TESK1: variants seen among roughly 807,000 people sequenced by gnomAD.
The protein encoded by TESK1 is testis associated actin remodelling kinase 1.
TESK1 carries 18 observed loss-of-function variants against 59.9 expected under a neutral mutation model. The ratio of observed to expected loss-of-function variants is 0.30; its 90% confidence interval spans 0.21 to 0.45. The LOEUF is 0.45. Ranked by LOEUF, TESK1 falls within the 20% of genes least tolerant of loss-of-function variation. The pLI, the probability that TESK1 is intolerant of heterozygous loss-of-function variation, is 1.00. For missense variants in TESK1, 748 were observed against 840.9 expected, an observed-to-expected ratio of 0.89 and a Z score of 1.37; for synonymous variants, 341 against 357.4, an observed-to-expected ratio of 0.95 and a Z score of 0.52.
In TESK1 at chr9:35,606,011, A is replaced by G; in HGVS notation, c.247A>G (p.Met83Val). Residue 83 changes from methionine to valine, a missense_variant, in exon 2 of 10, where the codon ATG becomes GTG. Physicochemically the swap from Met to Val is conservative, Grantham distance 21 (BLOSUM62 1). This residue lies in a region of TESK1 where 168 missense variants were observed against 257.4 expected (regional missense o/e 0.65). Coordinates refer to ENST00000336395, the MANE Select transcript of TESK1 (RefSeq NM_006285.3). ...KVRHRQSGQV[M>V]VLKMNKLPSN... ...TCGGCACCGACAGTCAGGGCAAGTCATGGTGCTGAAGATGAACAAGCTCCC... is the reference window on the plus strand; with the variant it reads ...TCGGCACCGACAGTCAGGGCAAGTCGTGGTGCTGAAGATGAACAAGCTCCC... 1 of 1,613,988 alleles carries G rather than the reference A, an allele frequency of 6.2e-7. No homozygotes were observed. The highest frequency in any genetic ancestry group is 8.5e-7 in the Non-Finnish European group (1 of 1,179,970).
Position 35,606,905 on chromosome 9 carries a change from C to G in TESK1, c.459C>G (p.Leu153=). 1 of 1,613,890 alleles carries G rather than the reference C, an allele frequency of 6.2e-7. No homozygotes were observed. The highest frequency in any genetic ancestry group is 1.1e-5 in the South Asian group (1 of 91,074). Residue 153 remains leucine (L), a synonymous_variant, in exon 4 of 10, where the codon CTC becomes CTG. Coordinates refer to ENST00000336395, the MANE Select transcript of TESK1 (RefSeq NM_006285.3). ...SPEPLSWPVR[L]HLALDIARGL... is the part of the protein sequence containing the mutation. ...AACCCCTGTCCTGGCCGGTCAGGCT[C>G]CACCTGGCCCTGGACATTGCCCGAG...
rs762202304 is a variant in TESK1, at chr9:35,609,026, G to T, written c.1165G>T (p.Gly389Cys). ...CTTCTCACTACGGGAAGACCTCAGG[G>T]GTGGCAAGATCAAGCTCTTAGACAC... ...NPFSLREDLR[G>C]GKIKLLDTPS... is the part of the protein sequence containing the mutation. The change falls in exon 10 of 10, where the codon GGT becomes TGT. Residue 389 changes from glycine to cysteine, a missense_variant. This residue lies in a region of TESK1 where 447 missense variants were observed against 466.1 expected (regional missense o/e 0.96). Transcript: ENST00000336395. The surrounding 1 kb of genome is among the most constrained non-coding windows in gnomAD (Gnocchi z 6.7). The T allele has an allele frequency of 1.9e-6, 3 of 1,614,140 alleles. No individual in the cohort carries two copies. The highest frequency in any genetic ancestry group is 1.3e-5 in the African/African-American group (1 of 75,040).
intron 9 of TESK1, 28 bp from the exon 10 acceptor site, chr9:35,608,834 C>T: frequency 1.3e-6 from 2 of 1,549,634 alleles, no homozygotes; most frequent in South Asian, 1.2e-5. Context: ...ATGCTGAGGA[C>T]AGTGATTCCA....
chr9:35,605,330 A>G lies in TESK1; in HGVS notation c.-290A>G, dbSNP rs1440157737. 1.4e-5 allele frequency: 2 copies of G among 147,668 alleles called. No homozygotes were observed. Among genetic ancestry groups the G allele is most frequent in the African/African-American group, 4.9e-5 (2 of 40,868 alleles). 9.1% of individuals were successfully genotyped at this position (147,668 alleles called of 1,614,324 possible). On this transcript the variant is annotated 5_prime_UTR_variant, in exon 1 of 10. Transcript: ENST00000336395. ...CCGCCCGCCCGCCTCCGCCCGCGGC[A>G]AGCCAGCCCGCCGGCGCCCCGGAGC...
rs1470836033 is a variant in TESK1 at position 35,609,693 on chromosome 9, A to G, written c.1832A>G (p.His611Arg). The part of the protein sequence containing the change: ...AGSLLCHRGH[H>R]AKPPTPSLQL... ...AGTCTCCTCTGCCACCGAGGGCACC[A>G]CGCCAAGCCACCCACACCCAGCCTG... Residue 611 changes from histidine to arginine, a missense_variant, in exon 10 of 10, where the codon CAC becomes CGC. Coordinates refer to ENST00000336395, the MANE Select transcript of TESK1 (RefSeq NM_006285.3). The surrounding 1 kb of genome is among the most constrained non-coding windows in gnomAD (Gnocchi z 6.7). The G allele has an allele frequency of 6.2e-7, 1 of 1,601,134 alleles. No homozygotes were observed. Among genetic ancestry groups the G allele is most frequent in the South Asian group, 1.1e-5 (1 of 90,972 alleles).
chr9:35,608,603 T>A, intron 9 of TESK1, 94 bp downstream of exon 9: 2 of 1,230,880 alleles, frequency 1.6e-6, no homozygotes, highest in Non-Finnish European at 2.3e-6. Context: ...GTATATTTAT[T>A]AGTTGAAAAG....
intron 7 of TESK1, 51 bp from the exon 8 acceptor site, chr9:35,608,109 A>C: frequency 6.2e-7 from 1 of 1,609,684 alleles, no homozygotes; most frequent in Non-Finnish European, 8.5e-7. Context: ...GGGGAGCAGA[A>C]GGAGAACCCA....
Position 35,605,629 on chromosome 9 carries a change from G to T in TESK1, c.10G>T (p.Glu4Ter). The T allele has an allele frequency of 8.4e-7, 1 of 1,184,616 alleles. No individual in the cohort carries two copies. Among genetic ancestry groups the T allele is most frequent in the Non-Finnish European group, 1.1e-6 (1 of 952,302 alleles). The allele number at this position is 1,184,616 out of a possible 1,614,324, so 73.4% of individuals were successfully genotyped here. A position where few individuals can be genotyped will look rare whatever the true frequency, so the allele number is the denominator to read the frequency against. Residue 4 changes from glutamate to a stop codon, truncating the protein, a stop_gained, in exon 1 of 10, where the codon GAA becomes TAA. Coordinates refer to ENST00000336395, the MANE Select transcript of TESK1 (RefSeq NM_006285.3). LOFTEE classifies it high-confidence loss of function. MAG[E>*]RPPLRGPGPG... is the part of the protein sequence containing the mutation. ...GGCTGGGGGCCCGGCCATGGCCGGG[G>T]AACGGCCCCCACTGCGGGGCCCTGG...
Position 35,607,713 on chromosome 9 carries a change from C to T in TESK1, c.711+41C>T. 6.5e-7 allele frequency: 1 copy of T among 1,537,380 alleles called. No individual in the cohort carries two copies. The highest frequency in any genetic ancestry group is 1.1e-5 in the South Asian group (1 of 88,932). On this transcript the variant is annotated intron_variant, in intron 6 of 9. Coordinates refer to ENST00000336395, the MANE Select transcript of TESK1 (RefSeq NM_006285.3). This position sits in a 1 kb window ranked among gnomAD's most constrained non-coding sequence, Gnocchi z 4.5. Reference sequence around the variant, plus strand: ...TTCAGATCCCCAAGGCCTTCCGAGACCCTTGAGGTATTCTCATAAAGCCCC... The same window carrying T: ...TTCAGATCCCCAAGGCCTTCCGAGATCCTTGAGGTATTCTCATAAAGCCCC...
At position 35,607,804 on chromosome 9, in the gene TESK1, C is replaced by T; in HGVS notation, c.712-124C>T. 1.6e-6 allele frequency: 2 copies of T among 1,284,352 alleles called. No homozygotes were observed. Among genetic ancestry groups the T allele is most frequent in the East Asian group, 2.4e-5 (1 of 41,610 alleles). The allele number at this position is 1,284,352 out of a possible 1,614,324, so 79.6% of individuals were successfully genotyped here. Reference sequence around the variant, plus strand: ...CCAAGATCCCTTTGCCCCTCACAGGCACCCTTCTAACACATGAAAACTGTC... The same window carrying T: ...CCAAGATCCCTTTGCCCCTCACAGGTACCCTTCTAACACATGAAAACTGTC... On this transcript the variant is annotated intron_variant, in intron 6 of 9. Transcript: ENST00000336395. The surrounding 1 kb of genome is among the most constrained non-coding windows in gnomAD (Gnocchi z 4.5).
At chr9:35,606,437 C>T in intron 3 of TESK1, 152 bp downstream of exon 3, 1 of 886,472 alleles carries the variant, frequency 1.1e-6, no homozygotes, top group Non-Finnish European at 1.8e-6. Flanking sequence ...TTAGGCAAAC[C>T]ACATATAAAA....
rs1461573251 is a variant in TESK1, at chr9:35,609,034, G to A, written c.1173G>A (p.Lys391=). The change falls in exon 10 of 10, where the codon AAG becomes AAA. Residue 391 remains lysine, a synonymous_variant. Transcript: ENST00000336395. This position sits in a 1 kb window ranked among gnomAD's most constrained non-coding sequence, Gnocchi z 6.7. The part of the protein sequence containing the change: ...FSLREDLRGG[K]IKLLDTPSKP... Reference sequence around the variant, plus strand: ...TACGGGAAGACCTCAGGGGTGGCAAGATCAAGCTCTTAGACACACCCAGCA... The same window carrying A: ...TACGGGAAGACCTCAGGGGTGGCAAAATCAAGCTCTTAGACACACCCAGCA... 1 of 1,614,170 alleles carries A rather than the reference G, an allele frequency of 6.2e-7. No homozygotes were observed. The highest frequency in any genetic ancestry group is 8.5e-7 in the Non-Finnish European group (1 of 1,180,030).
chr9:35,608,624 G>T, intron 9 of TESK1, 115 bp downstream of exon 9: 1 of 1,047,818 alleles, frequency 9.5e-7, no homozygotes. Flanking sequence ...GCTGGGGGTC[G>T]GGCTGGGGTA....
rs779137031 is a variant in TESK1 at position 35,608,096 on chromosome 9, A to G, written c.796-64A>G. ...GGATTCCCTAGAGGTTGAGGTTCTG[A>G]CTGGGGAGCAGAAGGAGAACCCAAG... is the stretch of plus-strand genomic sequence containing the variant. On this transcript the variant is annotated intron_variant, in intron 7 of 9. Coordinates refer to ENST00000336395, the MANE Select transcript of TESK1 (RefSeq NM_006285.3). 4 of 1,608,512 alleles carry G rather than the reference A, an allele frequency of 2.5e-6. No homozygotes were observed. The East Asian group carries it at 8.9e-5, about 36-fold the overall frequency.
chr9:35,609,203 A>T lies in TESK1; in HGVS notation c.1342A>T (p.Met448Leu). The T allele has an allele frequency of 6.2e-7, 1 of 1,613,908 alleles. No homozygotes were observed. Among genetic ancestry groups the T allele is most frequent in the Non-Finnish European group, 8.5e-7 (1 of 1,180,008 alleles). The stretch of plus-strand genomic sequence containing the variant: ...CTCATCCCCCGAGCTCCCCCGCCGT[A>T]TGGAGACAGCACTGCCAGGTCCTGG... The part of the protein sequence containing the change: ...LPSSPELPRR[M>L]ETALPGPGPP... Residue 448 changes from methionine to leucine, a missense_variant, in exon 10 of 10, where the codon ATG (methionine) becomes TTG (leucine). Physicochemically the swap from Met to Leu is conservative, Grantham distance 15. Coordinates refer to ENST00000336395, the MANE Select transcript of TESK1 (RefSeq NM_006285.3). This position sits in a 1 kb window ranked among gnomAD's most constrained non-coding sequence, Gnocchi z 6.7.
chr9:35,609,438 C>T lies in TESK1; in HGVS notation c.1577C>T (p.Pro526Leu), dbSNP rs762554622. Residue 526 changes from proline (P) to leucine (L), a missense_variant, in exon 10 of 10, where the codon CCA (proline) becomes CTA (leucine). Physicochemically the swap from Pro to Leu is moderately conservative, Grantham distance 98. Transcript: ENST00000336395. The surrounding 1 kb of genome is among the most constrained non-coding windows in gnomAD (Gnocchi z 6.7). The stretch of plus-strand genomic sequence containing the variant: ...CCCCCAGCTGTGGTGGTGAACTCCC[C>T]ACAAGGCTGGGCTGGGGAGCCCTGG... ...NNPPAVVVNS[P>L]QGWAGEPWNR... The T allele has an allele frequency of 1.9e-6, 3 of 1,608,848 alleles. No homozygotes were observed. Among genetic ancestry groups the T allele is most frequent in the Admixed American group, 1.7e-5 (1 of 59,682 alleles).
rs779438711 is a variant in TESK1 at position 35,609,492 on chromosome 9, C to A, written c.1631C>A (p.Ala544Glu). ...WNRAQHSLPR[A>E]AALERTEPSP... is the part of the protein sequence containing the mutation. The stretch of plus-strand genomic sequence containing the variant: ...CGGGCCCAGCATAGCCTGCCCCGGG[C>A]GGCAGCCCTGGAGCGGACAGAACCC... The change falls in exon 10 of 10, where the codon GCG becomes GAG. Residue 544 changes from alanine to glutamate, a missense_variant. Transcript: ENST00000336395. This position sits in a 1 kb window ranked among gnomAD's most constrained non-coding sequence, Gnocchi z 6.7. The A allele has an allele frequency of 1.9e-6, 3 of 1,603,898 alleles. No individual in the cohort carries two copies. Among genetic ancestry groups the A allele is most frequent in the Non-Finnish European group, 8.5e-7 (1 of 1,174,480 alleles).
chr9:35,605,645 G>C lies in TESK1; in HGVS notation c.26G>C (p.Arg9Pro), dbSNP rs1822828840. The C allele has an allele frequency of 8.2e-6, 10 of 1,220,774 alleles. No individual in the cohort carries two copies. Among genetic ancestry groups the C allele is most frequent in the East Asian group, 6.7e-5 (2 of 29,998 alleles). 75.6% of individuals were successfully genotyped at this position (1,220,774 alleles called of 1,614,324 possible). A position where few individuals can be genotyped will look rare whatever the true frequency, so the allele number is the denominator to read the frequency against. ...ATGGCCGGGGAACGGCCCCCACTGC[G>C]GGGCCCTGGGCCCGGGCCTGGAGAG... is the stretch of plus-strand genomic sequence containing the variant. Reference protein sequence around the residue: MAGERPPLRGPGPGPGEVP... With the variant: MAGERPPLPGPGPGPGEVP... The change falls in exon 1 of 10, where the codon CGG becomes CCG. Residue 9 changes from arginine to proline, a missense_variant. Physicochemically the swap from Arg to Pro is moderately radical, Grantham distance 103. This residue lies in a region of TESK1 where 133 missense variants were observed against 117.4 expected (regional missense o/e 1.13). Transcript: ENST00000336395.
intron 1 of TESK1, 68 bp from the exon 2 acceptor site, chr9:35,605,916 G>C: frequency 6.2e-7 from 1 of 1,607,484 alleles, no homozygotes; most frequent in Non-Finnish European, 8.5e-7. Context: ...GGGAGTGCGG[G>C]GAAGAGGGTC....
Sources: allele counts gnomAD v4.1 joint callset, GRCh38; gene constraint gnomAD v4.1.1; regional missense constraint gnomAD v4.1.1; non-coding constraint Gnocchi (gnomAD v3.1); transcripts MANE v1.5; gene names NCBI Gene and HGNC (gene_info 2026-07-23, HGNC 2026-07-21).